Variants in GALNTL6 observed in about 807,000 individuals in gnomAD.
GALNTL6 encodes the protein polypeptide N-acetylgalactosaminyltransferase-like 6.
A neutral mutation model predicts 73.7 loss-of-function variants in GALNTL6; 46 were observed. That is an observed-to-expected ratio of 0.62 (90% CI 0.49 to 0.80). The LOEUF (loss-of-function observed/expected upper bound fraction) is 0.80, where lower values mean the gene tolerates loss of function less well. Among genes scored for constraint, GALNTL6 ranks in the 30% least tolerant of loss-of-function variants. The pLI is 0.00. For synonymous variants in GALNTL6, 259 were observed against 263.7 expected, an observed-to-expected ratio of 0.98 and a Z score of 0.17; for missense variants, 604 against 755.0, an observed-to-expected ratio of 0.80 and a Z score of 2.34.
At chr4:172,905,328 C>T (rs185586364) in intron 8 of GALNTL6, among the ~76,000 whole-genome samples, 3 of 152,252 alleles carry the variant, frequency 2.0e-5, no homozygotes, top group Admixed American at 2.0e-4. Context: ...ACTTCTGAAA[C>T]TACTTTTAAA....
intron 2 of GALNTL6, among the ~76,000 whole-genome samples, chr4:171,872,095 T>C (rs1736153378): frequency 6.6e-6 from 1 of 152,200 alleles, no homozygotes; most frequent in Non-Finnish European, 1.5e-5. Flanking sequence ...TAGATATACT[T>C]TGCTAAATAT....
intron 2 of GALNTL6, among the ~76,000 whole-genome samples, chr4:171,920,832 C>T (rs1193623031): frequency 6.6e-6 from 1 of 152,074 alleles, no homozygotes; most frequent in Non-Finnish European, 1.5e-5. Context: ...ATATGAAAAG[C>T]ATCTCTATCC....
intron 5 of GALNTL6, among the ~76,000 whole-genome samples, chr4:172,456,172 T>G (rs1271719087): frequency 6.6e-6 from 1 of 151,842 alleles, no homozygotes; most frequent in Non-Finnish European, 1.5e-5. Context: ...AAAAAGGACA[T>G]TCACACAAAA....
At chr4:172,376,382 G>A (rs1159498142) in intron 5 of GALNTL6, among the ~76,000 whole-genome samples, 3 of 152,226 alleles carry the variant, frequency 2.0e-5, no homozygotes, top group Non-Finnish European at 2.9e-5. Flanking sequence ...GCTCATGGCC[G>A]CATGGTCAAC....
At chr4:172,308,033 T>A (rs1284462344) in intron 3 of GALNTL6, among the ~76,000 whole-genome samples, 8 of 100,794 alleles carry the variant, frequency 7.9e-5, no homozygotes, top group East Asian at 3.1e-4. Flanking sequence ...TTTTTTTTTT[T>A]ACGGCTCTTG....
intron 7 of GALNTL6, among the ~76,000 whole-genome samples, chr4:172,870,439 T>A (rs1347904595): frequency 6.6e-6 from 1 of 152,204 alleles, no homozygotes; most frequent in Non-Finnish European, 1.5e-5. Flanking sequence ...TTTAAAATTG[T>A]CAAGTATTTT....
intron 7 of GALNTL6, among the ~76,000 whole-genome samples, chr4:172,868,091 T>C (rs1744748716): frequency 6.6e-6 from 1 of 152,216 alleles, no homozygotes; most frequent in Admixed American, 6.5e-5. Context: ...GTGAATAGAA[T>C]GAGCTACATG....
At chr4:172,812,871 A>G (rs560905508) in intron 6 of GALNTL6, among the ~76,000 whole-genome samples, 23 of 152,328 alleles carry the variant, frequency 1.5e-4, no homozygotes, top group African/African-American at 4.8e-4. Flanking sequence ...TTGTTCAAGA[A>G]TTTAAGAGTA....
At chr4:173,033,266 G>T (rs868338901) in intron 12 of GALNTL6, among the ~76,000 whole-genome samples, 8 of 151,674 alleles carry the variant, frequency 5.3e-5, no homozygotes, top group African/African-American at 1.7e-4. Context: ...GCCTCCCAAG[G>T]TGCTGGGATT....
chr4:173,025,668 C>T (rs970195862), intron 12 of GALNTL6, among the ~76,000 whole-genome samples: 2 of 152,170 alleles, frequency 1.3e-5, no homozygotes, highest in South Asian at 4.1e-4. Context: ...TTTGGTTTCT[C>T]ATTGAGTAGA....
intron 3 of GALNTL6, among the ~76,000 whole-genome samples, chr4:172,299,578 C>T (rs1210592945): frequency 6.6e-6 from 1 of 152,164 alleles, no homozygotes; most frequent in East Asian, 1.9e-4. Flanking sequence ...TCTTTATTCT[C>T]ATTGGTTTCA....
chr4:172,120,677 G>A (rs1184607284), intron 2 of GALNTL6, among the ~76,000 whole-genome samples: 1 of 151,964 alleles, frequency 6.6e-6, no homozygotes, highest in Non-Finnish European at 1.5e-5. Flanking sequence ...GGGGGGTGGG[G>A]TGGGGAATTG....
At chr4:172,146,991 G>C (rs1733944545) in intron 2 of GALNTL6, among the ~76,000 whole-genome samples, 1 of 152,180 alleles carries the variant, frequency 6.6e-6, no homozygotes, top group African/African-American at 2.4e-5. Flanking sequence ...CACCGGGATT[G>C]TTGAAGTAGA....
In GALNTL6 at chr4:171,904,130, C is replaced by A. The variant is rs189705258; in HGVS notation, c.138+89412C>A. Among the ~76,000 whole-genome samples, 223 of 152,332 alleles carry A rather than the reference C, an allele frequency of 1.5e-3. 1 individual carries two copies. The highest frequency in any genetic ancestry group is 9.8e-3 in the Admixed American group (150 of 15,302). On this transcript the variant is annotated intron_variant, in intron 2 of 12. Coordinates refer to ENST00000506823, the MANE Select transcript of GALNTL6 (RefSeq NM_001034845.3). ...ACGTAGTTCCTCACCAGCAACAGAACAAAGCTGGACGGAGAATGACTTTGA... is the reference window on the plus strand; with the variant it reads ...ACGTAGTTCCTCACCAGCAACAGAAAAAAGCTGGACGGAGAATGACTTTGA...
intron 3 of GALNTL6, among the ~76,000 whole-genome samples, chr4:172,296,682 G>A (rs961694884): frequency 6.6e-6 from 1 of 152,154 alleles, no homozygotes; most frequent in African/African-American, 2.4e-5. Flanking sequence ...TCCCTACAAA[G>A]GACATGAACT....
intron 4 of GALNTL6, among the ~76,000 whole-genome samples, chr4:172,340,821 C>G (rs753495081): frequency 2.6e-5 from 4 of 152,174 alleles, no homozygotes; most frequent in Admixed American, 2.0e-4. Context: ...ATTGTTTCCT[C>G]TAATCCATTC....
chr4:172,942,603 G>C (rs887085130), intron 9 of GALNTL6, among the ~76,000 whole-genome samples: 1 of 152,136 alleles, frequency 6.6e-6, no homozygotes, highest in Non-Finnish European at 1.5e-5. Context: ...ATTCCCAAAA[G>C]CCTCCATCGC....
chr4:172,788,946 T>C (rs1422331072), intron 5 of GALNTL6, among the ~76,000 whole-genome samples: 1 of 152,188 alleles, frequency 6.6e-6, no homozygotes, highest in South Asian at 2.1e-4. Context: ...AGATACACTG[T>C]ATTGAAAAAA....
intron 3 of GALNTL6, among the ~76,000 whole-genome samples, chr4:172,258,253 TTATA>T (rs1738149294): frequency 6.6e-6 from 1 of 151,282 alleles, no homozygotes; most frequent in Admixed American, 6.6e-5. Flanking sequence ...TGTCTTCCCT[TTATA>T]TTGTTGCTTT....
Sources: allele counts gnomAD v4.1 joint callset (sites outside exome capture counted in the v4.1 genomes callset), GRCh38; gene constraint gnomAD v4.1.1; transcripts MANE v1.5; gene names NCBI Gene and HGNC (gene_info 2026-07-23, HGNC 2026-07-21).